Variants in XPC observed in about 807,000 individuals in gnomAD.
The protein encoded by XPC is DNA repair protein complementing XP-C cells.
A neutral mutation model predicts 95.8 loss-of-function variants in XPC; 76 were observed. That is an observed-to-expected ratio of 0.79 (90% CI 0.66 to 0.96). The LOEUF is 0.96. Among genes scored for constraint, XPC ranks in the 40% least tolerant of loss-of-function variants. XPC has a pLI of 0.00. For missense variants in XPC, 1,146 were observed against 1,179.8 expected, an observed-to-expected ratio of 0.97 and a Z score of 0.42; for synonymous variants, 442 against 442.1, an observed-to-expected ratio of 1.00 and a Z score of 0.00.
intron 4 of XPC, 68 bp downstream of exon 4, chr3:14,168,189 G>A: frequency 2.0e-6 from 3 of 1,518,746 alleles, no homozygotes; most frequent in Non-Finnish European, 2.6e-6. Context: ...TTTCTCCAAA[G>A]TCCTCCTAAG....
chr3:14,163,122 T>G (rs1696228420), intron 7 of XPC, among the ~76,000 whole-genome samples: 2 of 152,172 alleles, frequency 1.3e-5, no homozygotes. Context: ...CAAGTGTTGG[T>G]AAAGATTTGG....
rs757602118 is a variant in XPC at position 14,173,027 on chromosome 3, G to C, written c.139C>G (p.Leu47Val). Reference protein sequence around the residue: ...FEDEKPPKKSLLSKVSQGKRK... With the variant: ...FEDEKPPKKSVLSKVSQGKRK... ...TTTCCTTGTGAAACTTTGGAGAGAA[G>C]GCTCTTCTTTGGGGGTTTCTCATCT... Residue 47 changes from leucine (L) to valine (V), a missense_variant, in exon 2 of 16, where the codon CTT becomes GTT. Transcript: ENST00000285021. 1 of 1,605,252 alleles carries C rather than the reference G, an allele frequency of 6.2e-7. No individual in the cohort carries two copies. Among genetic ancestry groups the C allele is most frequent in the African/African-American group, 1.3e-5 (1 of 74,506 alleles).
chr3:14,162,953 T>C (rs995968610), intron 7 of XPC, among the ~76,000 whole-genome samples: 1 of 151,942 alleles, frequency 6.6e-6, no homozygotes, highest in Non-Finnish European at 1.5e-5. Context: ...AATAGGCAAA[T>C]ACTTGAACAG....
rs3731166 is a variant in XPC, at chr3:14,148,077, A to G, written c.2421-76T>C. The G allele has an allele frequency of 4.8e-3, 6,275 of 1,312,236 alleles. 221 individuals are homozygous for G. The African/African-American group carries it at 0.078, about 16-fold the overall frequency. 81.3% of individuals were successfully genotyped at this position (1,312,236 alleles called of 1,614,324 possible). A position where few individuals can be genotyped will look rare whatever the true frequency, so the allele number is the denominator to read the frequency against. ...CTCTCCTCCCTCCCCAGTTTGTGGAAGACAGTGGGCCACATCTGAGCACTA... is the reference window on the plus strand; with the variant it reads ...CTCTCCTCCCTCCCCAGTTTGTGGAGGACAGTGGGCCACATCTGAGCACTA... On this transcript the variant is annotated intron_variant, in intron 13 of 15. Coordinates refer to ENST00000285021, the MANE Select transcript of XPC (RefSeq NM_004628.5).
rs1574969169 is a variant in XPC, at chr3:14,164,921, T to C, written c.792A>G (p.Thr264=). ...LSNLVKWFIG[T]FTVNAELSAS... ...CTGAAAGTTCTGCATTAACTGTAAA[T>C]GTTCCAATGAACCTGGGGAGAAAGC... is the stretch of plus-strand genomic sequence containing the variant. Residue 264 remains threonine, a synonymous_variant, in exon 7 of 16, where the codon ACA becomes ACG. Transcript: ENST00000285021. The C allele has an allele frequency of 6.2e-7, 1 of 1,610,394 alleles. No individual in the cohort carries two copies. The highest frequency in any genetic ancestry group is 2.2e-5 in the East Asian group (1 of 44,538).
Position 14,158,750 on chromosome 3 carries a change from C to T in XPC, c.1133G>A (p.Arg378Lys), listed in dbSNP as rs533121927. The change falls in exon 9 of 16, where the codon AGG becomes AAG. Residue 378 changes from arginine (R) to lysine (K), a missense_variant. Coordinates refer to ENST00000285021, the MANE Select transcript of XPC (RefSeq NM_004628.5). This position sits in a 1 kb window ranked among gnomAD's most constrained non-coding sequence, Gnocchi z 5.2. ...QEETFAKGTCRPSAKGKRNKG... is the reference protein window; with the variant it reads ...QEETFAKGTCKPSAKGKRNKG... ...GTTCCTCTTCCCTTTGGCACTTGGC[C>T]TGCAGGTGCCCTTAGCAAAGGTTTC... 109 of 1,613,890 alleles carry T rather than the reference C, an allele frequency of 6.8e-5. 1 individual carries two copies. In the Middle Eastern group the frequency reaches 1.3e-3, roughly 20 times the overall value.
chr3:14,161,670 G>A (rs1696172393), intron 7 of XPC, among the ~76,000 whole-genome samples: 1 of 148,546 alleles, frequency 6.7e-6, no homozygotes, highest in African/African-American at 2.5e-5. Context: ...GGAATAGAAG[G>A]GAACTGAGTC....
chr3:14,163,909 C>T (rs1696264293), intron 7 of XPC, among the ~76,000 whole-genome samples: 1 of 152,174 alleles, frequency 6.6e-6, no homozygotes, highest in Non-Finnish European at 1.5e-5. Context: ...ATCAGCCAGG[C>T]ATGGTGGTGG....
intron 10 of XPC, among the ~76,000 whole-genome samples, chr3:14,154,365 A>G (rs1257986268): frequency 6.6e-6 from 1 of 152,236 alleles, no homozygotes; most frequent in Non-Finnish European, 1.5e-5. Flanking sequence ...TCACAGCAGC[A>G]TAATTCACAA....
intron 7 of XPC, among the ~76,000 whole-genome samples, chr3:14,162,668 C>T (rs1246108995): frequency 6.6e-6 from 1 of 152,108 alleles, no homozygotes; most frequent in Admixed American, 6.5e-5. Context: ...AAATCTCTTA[C>T]AAGAAAACAC....
rs886097856 is a variant in XPC at position 14,148,390 on chromosome 3, A to G, written c.2420+172T>C. On this transcript the variant is annotated intron_variant, in intron 13 of 15. Coordinates refer to ENST00000285021, the MANE Select transcript of XPC (RefSeq NM_004628.5). ...GTTTCATTGGCTCCGTTCCCTCTGG[A>G]GGGAAGCCAGAATTGGTAAAGCACT... 6.8e-6 allele frequency: 6 copies of G among 886,984 alleles called. No homozygotes were observed. In the African/African-American group the frequency reaches 6.8e-5, roughly 10 times the overall value. 54.9% of individuals were successfully genotyped at this position (886,984 alleles called of 1,614,324 possible).
In XPC at chr3:14,172,973, C is replaced by G. The variant is rs1413843191; in HGVS notation, c.193G>C (p.Gly65Arg). The change falls in exon 2 of 16, where the codon GGT (glycine) becomes CGT (arginine). Residue 65 changes from glycine to arginine, a missense_variant. Physicochemically the swap from Gly to Arg is moderately radical, Grantham distance 125. Coordinates refer to ENST00000285021, the MANE Select transcript of XPC (RefSeq NM_004628.5). ...TTTTTTGCTGGACCATCTGCTGAAC[C>G]CCCAGGATGACTGCAGCCTCTTTTC... Reference protein sequence around the residue: ...KRKRGCSHPGGSADGPAKKKV... With the variant: ...KRKRGCSHPGRSADGPAKKKV... 1.9e-6 allele frequency: 3 copies of G among 1,613,902 alleles called. No homozygotes were observed. Among genetic ancestry groups the G allele is most frequent in the Non-Finnish European group, 2.5e-6 (3 of 1,179,828 alleles).
intron 10 of XPC, chr3:14,152,832 G>T (rs1481411501): frequency 6.1e-6 from 1 of 163,352 alleles, no homozygotes; most frequent in Non-Finnish European, 1.3e-5. Context: ...ACACCATGTG[G>T]GGGAGGGAAG....
Position 14,158,417 on chromosome 3 carries a change from C to T in XPC, c.1466G>A (p.Gly489Glu). 1 of 1,613,848 alleles carries T rather than the reference C, an allele frequency of 6.2e-7. No individual in the cohort carries two copies. Among genetic ancestry groups the T allele is most frequent in the South Asian group, 1.1e-5 (1 of 91,076 alleles). The change falls in exon 9 of 16, where the codon GGG becomes GAG. Residue 489 changes from glycine (G) to glutamate (E), a missense_variant. Transcript: ENST00000285021. The surrounding 1 kb of genome is among the most constrained non-coding windows in gnomAD (Gnocchi z 5.2). Reference protein sequence around the residue: ...GSKSASRTHRGSHRKDPSLPA... With the variant: ...GSKSASRTHRESHRKDPSLPA... ...CAAGCTTGGGTCCTTACGATGGCTC[C>T]CACGATGGGTCCTGGAGGCACTCTT...
In XPC at chr3:14,148,885, C is replaced by A. The variant is rs371865124; in HGVS notation, c.2179G>T (p.Glu727Ter). ...ARLAEPQLRE[E>*]NDLGLFGYWQ... ...TAGCCAAACAGGCCCAGGTCATTTT[C>A]TTCCCGCAGCTGGGGCTCAGCAAGT... is the stretch of plus-strand genomic sequence containing the variant. The change falls in exon 12 of 16, where the codon GAA becomes TAA. Residue 727 changes from glutamate (E) to a stop codon, truncating the protein, a stop_gained. Coordinates refer to ENST00000285021, the MANE Select transcript of XPC (RefSeq NM_004628.5). LOFTEE classifies it high-confidence loss of function. The A allele has an allele frequency of 6.2e-7, 1 of 1,613,912 alleles. No homozygotes were observed. The highest frequency in any genetic ancestry group is 8.5e-7 in the Non-Finnish European group (1 of 1,179,904).
Position 14,165,411 on chromosome 3 carries a change from C to T in XPC, c.779+17G>A. On this transcript the variant is annotated intron_variant, in intron 6 of 15. Transcript: ENST00000285021. ...TCCTACACTCCCCAGCTCTGCAGGACAAGCGGAGGGCCTTACCACTTCACC... is the reference window on the plus strand; with the variant it reads ...TCCTACACTCCCCAGCTCTGCAGGATAAGCGGAGGGCCTTACCACTTCACC... 6.4e-7 allele frequency: 1 copy of T among 1,571,674 alleles called. No homozygotes were observed. Among genetic ancestry groups the T allele is most frequent in the Non-Finnish European group, 8.7e-7 (1 of 1,156,058 alleles).
intron 1 of XPC, among the ~76,000 whole-genome samples, chr3:14,177,402 C>G (rs1696869576): frequency 6.6e-6 from 1 of 152,054 alleles, no homozygotes. Flanking sequence ...TTAGTTTGCT[C>G]AAGGAATGTC....
At chr3:14,166,511 T>G (rs1481998920) in intron 5 of XPC, among the ~76,000 whole-genome samples, 1 of 102,140 alleles carries the variant, frequency 9.8e-6, no homozygotes, top group Non-Finnish European at 2.0e-5. Flanking sequence ...CCACCCTCCC[T>G]TCACCCCCAC....
rs773795092 is a variant in XPC, at chr3:14,148,944, A to C, written c.2120T>G (p.Val707Gly). 11 of 1,613,796 alleles carry C rather than the reference A, an allele frequency of 6.8e-6. No individual in the cohort carries two copies. The African/African-American group carries it at 1.5e-4, about 22-fold the overall frequency. ...VRLGEVPYKM[V>G]KGFSNRARKA... ...CCGAGCACGGTTAGAAAAGCCTTTC[A>C]CCATCTGCACCAGAGGACACGGCCA... The change falls in exon 12 of 16, where the codon GTG becomes GGG. Residue 707 changes from valine (V) to glycine (G), a missense_variant. Val to Gly is a moderately radical substitution (Grantham distance 109). Coordinates refer to ENST00000285021, the MANE Select transcript of XPC (RefSeq NM_004628.5).
Sources: gnomAD v4.1 joint callset for allele counts (sites outside exome capture counted in the v4.1 genomes callset) on GRCh38, gnomAD v4.1.1 for gene constraint, Gnocchi (gnomAD v3.1) non-coding constraint, MANE v1.5 for transcripts, NCBI Gene and HGNC (gene_info 2026-07-23, HGNC 2026-07-21) for gene names.